SOX5: variants seen among roughly 807,000 people sequenced by gnomAD.
The protein encoded by SOX5 is SRY-box transcription factor 5.
Under a neutral mutation model 92.0 loss-of-function variants are expected in SOX5, and 9 were observed. That is an observed-to-expected ratio of 0.10 (90% confidence interval 0.06 to 0.17). SOX5 has a LOEUF of 0.17. Ranked by LOEUF, SOX5 falls within the 10% of genes least tolerant of loss-of-function variation. The pLI is 1.00. For missense variants in SOX5, 642 were observed against 944.5 expected, an observed-to-expected ratio of 0.68 and a Z score of 4.20; for synonymous variants, 344 against 336.3, an observed-to-expected ratio of 1.02 and a Z score of -0.25.
intron 4 of SOX5, among the ~76,000 whole-genome samples, chr12:24,085,583 C>T (rs11047251): frequency 0.37 from 56,011 of 151,738 alleles, 10,639 homozygotes; most frequent in East Asian, 0.64. Flanking sequence ...ATAATATATA[C>T]GTGTGCTAAT....
chr12:24,347,699 G>T (rs1197553634), intron 2 of SOX5, among the ~76,000 whole-genome samples: 1 of 152,174 alleles, frequency 6.6e-6, no homozygotes, highest in African/African-American at 2.4e-5. Context: ...GATGACAGCT[G>T]CCACTTTGAC....
rs74584563 is a variant in SOX5, at chr12:24,426,058, G to C, written c.-250-57419C>G. 4.4e-3 allele frequency among the ~76,000 whole-genome samples: 675 copies of C among 152,276 alleles called. 10 individuals carry two copies. In the East Asian group the frequency reaches 0.051, roughly 11 times the overall value. ...TAATTAAAGTCATCATTATAGACAA[G>C]GCACAGTGGCTCGTGCCTGTAATCC... On this transcript the variant is annotated intron_variant, in intron 1 of 4. Transcript: ENST00000446891.
At chr12:23,983,732 TA>T (rs1466734715) in intron 4 of SOX5, among the ~76,000 whole-genome samples, 3 of 152,196 alleles carry the variant, frequency 2.0e-5, no homozygotes, top group African/African-American at 7.2e-5. Context: ...AGGAGAGATT[TA>T]TTTTTTTTGT....
chr12:24,390,185 A>G (rs1461057499), intron 1 of SOX5, among the ~76,000 whole-genome samples: 1 of 152,112 alleles, frequency 6.6e-6, no homozygotes, highest in African/African-American at 2.4e-5. Context: ...TTAGACATTA[A>G]ATTGTCAAGG....
chr12:23,949,727 C>CCTCCCTCTCTCTCTCTCTCT, upstream of SOX5: 1 of 1,195,434 alleles, frequency 8.4e-7, no homozygotes, highest in Non-Finnish European at 1.1e-6. Flanking sequence ...CCCCTCCCTC[C>CCTCCCTCTCTCTCTCTCTCT]CTCCCTCTCT....
chr12:24,203,173 C>G (rs1957697843), intron 4 of SOX5, among the ~76,000 whole-genome samples: 1 of 152,042 alleles, frequency 6.6e-6, no homozygotes, highest in Non-Finnish European at 1.5e-5. Flanking sequence ...TTGAGAATAT[C>G]CTATTACTTT....
intron 10 of SOX5, among the ~76,000 whole-genome samples, chr12:23,568,288 G>A (rs1249696497): frequency 1.3e-5 from 2 of 152,126 alleles, no homozygotes; most frequent in Non-Finnish European, 2.9e-5. Flanking sequence ...GCTTCCAGAA[G>A]GAACCCACCC....
At chr12:24,111,568 A>G (rs1460463383) in intron 4 of SOX5, among the ~76,000 whole-genome samples, 4 of 152,222 alleles carry the variant, frequency 2.6e-5, no homozygotes, top group Admixed American at 1.3e-4. Flanking sequence ...TCAAATCCAT[A>G]TATTTTAAAG....
chr12:23,904,658 T>C (rs2097272442), intron 1 of SOX5, among the ~76,000 whole-genome samples: 1 of 152,210 alleles, frequency 6.6e-6, no homozygotes, highest in Non-Finnish European at 1.5e-5. Context: ...TCAAACTGTA[T>C]TTAAAAACAT....
chr12:24,466,865 T>A (rs1318989415), intron 1 of SOX5, among the ~76,000 whole-genome samples: 1 of 152,212 alleles, frequency 6.6e-6, no homozygotes, highest in Non-Finnish European at 1.5e-5. Flanking sequence ...TCAGATGGAA[T>A]CTCTGCTCTG....
intron 3 of SOX5, among the ~76,000 whole-genome samples, chr12:23,757,624 C>A (rs910064089): frequency 6.6e-6 from 1 of 151,914 alleles, no homozygotes; most frequent in African/African-American, 2.4e-5. Flanking sequence ...CAGGGCACAG[C>A]CAATACGGTA....
intron 1 of SOX5, among the ~76,000 whole-genome samples, chr12:24,561,160 C>G (rs1404396956): frequency 6.6e-6 from 1 of 152,304 alleles, no homozygotes; most frequent in Non-Finnish European, 1.5e-5. Context: ...AATCCCTAAA[C>G]TTTTGTAAGA....
rs1938222822 is a variant in SOX5 at position 24,244,518 on chromosome 12, G to A, written c.-76-31101C>T. 2.0e-5 allele frequency among the ~76,000 whole-genome samples: 3 copies of A among 152,114 alleles called. No individual in the cohort carries two copies. In the South Asian group the frequency reaches 6.2e-4, roughly 32 times the overall value. ...AAAAAGGTGAATGGTTAAACACTTG[G>A]GTGCTAGCACAGGCCCCTAGGTAGG... On this transcript the variant is annotated intron_variant, in intron 3 of 4. Transcript: ENST00000446891.
At chr12:23,778,232 C>A (rs1429743186) in intron 3 of SOX5, among the ~76,000 whole-genome samples, 1 of 152,048 alleles carries the variant, frequency 6.6e-6, no homozygotes, top group African/African-American at 2.4e-5. Flanking sequence ...CACATCTAGG[C>A]AAGAATAGTT....
intron 9 of SOX5, among the ~76,000 whole-genome samples, chr12:23,585,238 C>T (rs1009159703): frequency 6.6e-6 from 1 of 152,134 alleles, no homozygotes; most frequent in African/African-American, 2.4e-5. Context: ...ATGAATTCTC[C>T]TCACCACTTG....
rs796164706 is a variant in SOX5 at position 24,235,681 on chromosome 12, CATT to C, written c.-76-22267_-76-22265del. Among the ~76,000 whole-genome samples the C allele has an allele frequency of 3.0e-4, 45 of 152,232 alleles. 1 individual carries two copies. Among genetic ancestry groups the C allele is most frequent in the African/African-American group, 1.1e-3 (45 of 41,556 alleles). ...TATGAACTTAATTTTTTATGAATTT[CATT>C]ATAACTAGTGATTTCATATGTTAAT... On this transcript the variant is annotated intron_variant, in intron 3 of 4. Coordinates refer to the SOX5 transcript ENST00000446891.
rs141581669 is a variant in SOX5 at position 23,534,483 on chromosome 12, C to T, written c.2028G>A (p.Val676=). 543 of 1,613,654 alleles carry T rather than the reference C, an allele frequency of 3.4e-4. No individual in the cohort carries two copies. The highest frequency in any genetic ancestry group is 4.2e-4 in the Non-Finnish European group (498 of 1,179,970). The change falls in exon 15 of 15, where the codon GTG becomes GTA. Residue 676 remains valine, a synonymous_variant. Coordinates refer to ENST00000451604, the MANE Select transcript of SOX5 (RefSeq NM_006940.6). ...AQIPIATAGV[V]YPGAIAMAGM... ...CAGCCATGGCGATGGCTCCAGGGTA[C>T]ACAACACCAGCAGTGGCAATGGGGA...
intron 1 of SOX5, among the ~76,000 whole-genome samples, chr12:24,399,855 A>G (rs1386623062): frequency 6.6e-6 from 1 of 152,234 alleles, no homozygotes; most frequent in Non-Finnish European, 1.5e-5. Flanking sequence ...TATGTAAAAC[A>G]TATTTGTTGA....
intron 3 of SOX5, among the ~76,000 whole-genome samples, chr12:24,224,353 T>G (rs1961356237): frequency 6.6e-6 from 1 of 152,166 alleles, no homozygotes; most frequent in African/African-American, 2.4e-5. Context: ...TTCTTTTTTT[T>G]TTCGCCTTTT....
Sources: gnomAD v4.1 joint callset for allele counts (sites outside exome capture counted in the v4.1 genomes callset) on GRCh38, gnomAD v4.1.1 for gene constraint, MANE v1.5 for transcripts, NCBI Gene and HGNC (gene_info 2026-07-23, HGNC 2026-07-21) for gene names.